LHFPL3: variants seen among roughly 807,000 people sequenced by gnomAD.
LHFPL3 encodes the protein LHFPL tetraspan subfamily member 3.
LHFPL3 carries 5 observed loss-of-function variants against 19.3 expected under a neutral mutation model. The observed-to-expected ratio is 0.26, with a 90% CI of 0.14 to 0.54. LHFPL3 has a LOEUF of 0.54. LHFPL3 is among the 20% of genes least tolerant of loss of function. The probability of loss-of-function intolerance (pLI) is 0.94; values close to 1 mark genes in which losing one functional copy is unlikely to be tolerated. For synonymous variants in LHFPL3, 133 were observed against 126.2 expected, an observed-to-expected ratio of 1.05 and a Z score of -0.36; for missense variants, 249 against 307.4, an observed-to-expected ratio of 0.81 and a Z score of 1.42.
At chr7:104,597,568 G>A (rs1369371192) in intron 1 of LHFPL3, among the ~76,000 whole-genome samples, 3 of 152,172 alleles carry the variant, frequency 2.0e-5, no homozygotes, top group Admixed American at 6.5e-5. Flanking sequence ...ACATGGTGGG[G>A]GGAGGGGAAT....
intron 2 of LHFPL3, among the ~76,000 whole-genome samples, chr7:104,855,434 A>C (rs1184410922): frequency 6.6e-6 from 1 of 152,142 alleles, no homozygotes; most frequent in African/African-American, 2.4e-5. Flanking sequence ...GTTTCACATT[A>C]AGCTCTCTTG....
At chr7:104,404,980 G>A (rs10487205) in intron 1 of LHFPL3, among the ~76,000 whole-genome samples, 5,588 of 152,140 alleles carry the variant, frequency 0.037, 292 homozygotes, top group East Asian at 0.16. Context: ...GGTGATATTT[G>A]GCAATTAACT....
intron 1 of LHFPL3, among the ~76,000 whole-genome samples, chr7:104,731,562 C>T (rs1793705458): frequency 6.6e-6 from 1 of 151,880 alleles, no homozygotes; most frequent in African/African-American, 2.4e-5. Flanking sequence ...GTGATTTTTG[C>T]ACATTGATTT....
intron 1 of LHFPL3, among the ~76,000 whole-genome samples, chr7:104,528,891 A>T (rs796219121): frequency 8.5e-5 from 13 of 152,304 alleles, no homozygotes; most frequent in African/African-American, 3.1e-4. Flanking sequence ...TCCAACTCAA[A>T]CTGGCTTGAA....
rs539832130 is a variant in LHFPL3 at position 104,680,963 on chromosome 7, T to C, written c.446-55712T>C. Among the ~76,000 whole-genome samples, 5 of 152,286 alleles carry C rather than the reference T, an allele frequency of 3.3e-5. No homozygotes were observed. The East Asian group carries it at 9.6e-4, about 29-fold the overall frequency. On this transcript the variant is annotated intron_variant, in intron 1 of 2. Coordinates refer to ENST00000424859, the MANE Select transcript of LHFPL3 (RefSeq NM_199000.3). ...ACAGAACTACAGTATCCATCAAACCTAAAACAGCTTAAATTTATAAAATAT... is the reference window on the plus strand; with the variant it reads ...ACAGAACTACAGTATCCATCAAACCCAAAACAGCTTAAATTTATAAAATAT...
intron 2 of LHFPL3, among the ~76,000 whole-genome samples, chr7:104,856,702 G>A (rs562156807): frequency 6.6e-6 from 1 of 152,328 alleles, no homozygotes; most frequent in African/African-American, 2.4e-5. Context: ...CACTTGCTTA[G>A]TAGAATGAAA....
chr7:104,422,486 C>T (rs939191576), intron 1 of LHFPL3, among the ~76,000 whole-genome samples: 2 of 152,228 alleles, frequency 1.3e-5, no homozygotes, highest in African/African-American at 4.8e-5. Flanking sequence ...TCTCTAGTAT[C>T]TTTCTCCTCC....
intron 1 of LHFPL3, among the ~76,000 whole-genome samples, chr7:104,523,580 A>G (rs1794123658): frequency 6.6e-6 from 1 of 152,184 alleles, no homozygotes; most frequent in African/African-American, 2.4e-5. Flanking sequence ...TAGGCCAGGC[A>G]TCTTTTCTAT....
intron 1 of LHFPL3, among the ~76,000 whole-genome samples, chr7:104,346,010 G>A (rs1281943369): frequency 6.7e-6 from 1 of 149,272 alleles, no homozygotes; most frequent in Non-Finnish European, 1.5e-5. Context: ...AGTCTTGCAT[G>A]CTTTTAAAAG....
At chr7:104,506,696 C>T (rs182378449) in intron 1 of LHFPL3, among the ~76,000 whole-genome samples, 45 of 152,302 alleles carry the variant, frequency 3.0e-4, no homozygotes, top group African/African-American at 1.0e-3. Context: ...CAAGGTCATA[C>T]AGACAGTGAA....
At chr7:104,380,866 G>A (rs572430251) in intron 1 of LHFPL3, among the ~76,000 whole-genome samples, 2 of 152,070 alleles carry the variant, frequency 1.3e-5, no homozygotes, top group African/African-American at 2.4e-5. Flanking sequence ...ACAACAAAAA[G>A]CAAGAAAGTA....
Position 104,602,226 on chromosome 7 carries a change from G to A in LHFPL3, c.446-134449G>A, listed in dbSNP as rs781220691. ...AATAGAGACAGGGTTTCACCATGTT[G>A]GCCAGGCTAGTCTTGAACTCCTGAC... On this transcript the variant is annotated intron_variant, in intron 1 of 2. Coordinates refer to ENST00000424859, the MANE Select transcript of LHFPL3 (RefSeq NM_199000.3). Among the ~76,000 whole-genome samples the A allele has an allele frequency of 2.8e-4, 42 of 151,732 alleles. 1 individual carries two copies. Among genetic ancestry groups the A allele is most frequent in the Admixed American group, 4.6e-4 (7 of 15,242 alleles).
At chr7:104,430,264 G>C (rs1791933286) in intron 1 of LHFPL3, among the ~76,000 whole-genome samples, 1 of 148,566 alleles carries the variant, frequency 6.7e-6, no homozygotes, top group East Asian at 2.0e-4. Flanking sequence ...GGAAAGTATG[G>C]ACCAAGACAA....
chr7:104,646,387 A>G (rs1025468578), intron 1 of LHFPL3, among the ~76,000 whole-genome samples: 4 of 152,254 alleles, frequency 2.6e-5, no homozygotes, highest in African/African-American at 9.6e-5. Context: ...TATCATCAAC[A>G]TCATTGTGAG....
chr7:104,338,248 G>A (rs990011623), intron 1 of LHFPL3, among the ~76,000 whole-genome samples: 4 of 151,670 alleles, frequency 2.6e-5, no homozygotes, highest in African/African-American at 7.3e-5. Context: ...ACAGGCGCCC[G>A]CCACCACGCC....
chr7:104,874,409 G>GT (rs1310833839), intron 2 of LHFPL3, among the ~76,000 whole-genome samples: 1 of 145,734 alleles, frequency 6.9e-6, no homozygotes, highest in Non-Finnish European at 1.5e-5. Context: ...TTTTTTTTGG[G>GT]GGGGGGACAG....
intron 2 of LHFPL3, among the ~76,000 whole-genome samples, chr7:104,838,439 A>C (rs1211841957): frequency 6.6e-6 from 1 of 152,218 alleles, no homozygotes; most frequent in Non-Finnish European, 1.5e-5. Flanking sequence ...AATCTAAATT[A>C]AGTGATAAGG....
chr7:104,649,105 GAGGGTTTGACTGTTCTGAAGAGCA>G (rs1382097400), intron 1 of LHFPL3, among the ~76,000 whole-genome samples: 1 of 152,216 alleles, frequency 6.6e-6, no homozygotes, highest in African/African-American at 2.4e-5. Flanking sequence ...GGAGTTGAGA[GAGGGTTTGACTGTTCTGAAGAGCA>G]AATAGGTTAG....
intron 1 of LHFPL3, among the ~76,000 whole-genome samples, chr7:104,563,685 G>T (rs950368425): frequency 8.8e-6 from 1 of 113,324 alleles, no homozygotes; most frequent in Non-Finnish European, 1.9e-5. Context: ...AGCTGTTCCT[G>T]TTCGGCCATC....
Sources: allele counts gnomAD v4.1 joint callset (sites outside exome capture counted in the v4.1 genomes callset), GRCh38; gene constraint gnomAD v4.1.1; transcripts MANE v1.5; gene names NCBI Gene and HGNC (gene_info 2026-07-23, HGNC 2026-07-21).